The following GMIP variants were observed in gnomAD, a reference collection of about 807,000 sequenced individuals.
GMIP encodes the protein GEM interacting protein.
Under a neutral mutation model 105.3 loss-of-function variants are expected in GMIP, and 54 were observed. That is an observed-to-expected ratio of 0.51 (90% CI 0.41 to 0.64). The LOEUF (loss-of-function observed/expected upper bound fraction) is 0.64. Among genes scored for constraint, GMIP ranks in the 30% least tolerant of loss-of-function variants. The pLI is 0.00. For synonymous variants in GMIP, 541 were observed against 560.8 expected (o/e 0.96, Z 0.50); for missense variants, 1,110 against 1,319.4 (o/e 0.84, Z 2.46).
At chr19:19,643,425 A>C in intron 1 of GMIP, 86 bp downstream of exon 1, 1 of 1,262,228 alleles carries the variant, frequency 7.9e-7, no homozygotes, top group Non-Finnish European at 1.1e-6. Flanking sequence ...CCTGGCTCTC[A>C]GGACGGAGCG....
intron 7 of GMIP, among the ~76,000 whole-genome samples, chr19:19,639,702 A>T (rs2061897600): frequency 6.6e-6 from 1 of 151,616 alleles, no homozygotes; most frequent in Non-Finnish European, 1.5e-5. Flanking sequence ...TACAAAAATT[A>T]GCCGGGCGTG....
At chr19:19,643,231 C>T in intron 1 of GMIP, 1 of 435,436 alleles carries the variant, frequency 2.3e-6, no homozygotes, top group Non-Finnish European at 4.1e-6. Context: ...TGGCACCCTG[C>T]CCCCATCACA....
In GMIP at chr19:19,640,466, G is replaced by T; in HGVS notation, c.344C>A (p.Thr115Asn). ...SRYAKELLAW[T>N]EKRASYELEF... ...CTCACCATAGCTGGCTCTCTTTTCA[G>T]TCCAGGCAAGCAGTTCCTTGGCATA... The change falls in exon 5 of 21, where the codon ACT becomes AAT. Residue 115 changes from threonine (T) to asparagine (N), a missense_variant. By Grantham distance (65) the Thr-to-Asn change is moderately conservative. Transcript: ENST00000203556. 2 of 1,614,138 alleles carry T rather than the reference G, an allele frequency of 1.2e-6. No homozygotes were observed. Among genetic ancestry groups the T allele is most frequent in the South Asian group, 2.2e-5 (2 of 91,090 alleles).
In GMIP at chr19:19,633,924, G is replaced by C; in HGVS notation, c.2351C>G (p.Ser784Cys). 1 of 1,552,056 alleles carries C rather than the reference G, an allele frequency of 6.4e-7. No homozygotes were observed. The highest frequency in any genetic ancestry group is 8.7e-7 in the Non-Finnish European group (1 of 1,143,810). Reference sequence around the variant, plus strand: ...GTCAAGGTGCGGGGGTGGCGGTTGGGAGCTGGTTGTGAGGGGCCCAGGGGC... The same window carrying C: ...GTCAAGGTGCGGGGGTGGCGGTTGGCAGCTGGTTGTGAGGGGCCCAGGGGC... ...SPAPGPLTTSSQPPPPHLDPD... is the reference protein window; with the variant it reads ...SPAPGPLTTSCQPPPPHLDPD... The change falls in exon 19 of 21, where the codon TCC (serine) becomes TGC (cysteine). Residue 784 changes from serine to cysteine, a missense_variant. By Grantham distance (112) the Ser-to-Cys change is moderately radical. Coordinates refer to ENST00000203556, the MANE Select transcript of GMIP (RefSeq NM_016573.4).
In GMIP at chr19:19,630,225, A is replaced by G. The variant is rs2061779571; in HGVS notation, c.2651T>C (p.Leu884Pro). Residue 884 changes from leucine to proline, a missense_variant, in exon 21 of 21, where the codon CTG (leucine) becomes CCG (proline). Around this residue, in one of 3 missense-constraint regions of GMIP, gnomAD observed 394 missense variants for 450.5 expected, o/e 0.87. Coordinates refer to ENST00000203556, the MANE Select transcript of GMIP (RefSeq NM_016573.4). The surrounding 1 kb of genome is among the most constrained non-coding windows in gnomAD (Gnocchi z 4.8). ...GGAAGCCACCAGGGCCAGACTGGAC[A>G]GCTGGTGGGTTACAGGCCTCACACC... is the stretch of plus-strand genomic sequence containing the variant. ...RGGVRPVTHQ[L>P]SSLALVASKL... The G allele has an allele frequency of 6.3e-7, 1 of 1,593,944 alleles. No homozygotes were observed. Among genetic ancestry groups the G allele is most frequent in the East Asian group, 2.3e-5 (1 of 44,422 alleles).
At chr19:19,642,696 A>G (rs1599419662) in intron 1 of GMIP, 77 bp from the exon 2 acceptor site, 1 of 562,710 alleles carries the variant, frequency 1.8e-6, no homozygotes, top group South Asian at 2.1e-5. Flanking sequence ...TCTCATTTGG[A>G]GGGGGTGGAA....
chr19:19,631,942 G>C (rs11879838), intron 19 of GMIP, among the ~76,000 whole-genome samples: 110,830 of 149,710 alleles, frequency 0.74, 41,138 homozygotes, highest in South Asian at 0.79. Context: ...GAGCCAAGAT[G>C]GCACCACTGC....
chr19:19,638,580 C>A, intron 7 of GMIP, 98 bp from the exon 8 acceptor site: 1 of 960,014 alleles, frequency 1.0e-6, no homozygotes, highest in Non-Finnish European at 1.6e-6. Context: ...GCTTTGCCAC[C>A]TCTGGACTCT....
chr19:19,634,643 A>T lies in GMIP; in HGVS notation c.1948T>A (p.Leu650Met). ...YDAFISLAKT[L>M]HADPGDDPGT... ...GGGTCGTCCCCAGGGTCTGCATGCA[A>T]GGTCTTAGCCAGAGAGATGAAGGCG... Residue 650 changes from leucine (L) to methionine (M), a missense_variant, in exon 18 of 21, where the codon TTG becomes ATG. By Grantham distance (15) the Leu-to-Met change is conservative. This residue lies in a region of GMIP where 394 missense variants were observed against 450.5 expected (regional missense o/e 0.87). Transcript: ENST00000203556. This position sits in a 1 kb window ranked among gnomAD's most constrained non-coding sequence, Gnocchi z 6.1. 1 of 1,613,372 alleles carries T rather than the reference A, an allele frequency of 6.2e-7. No individual in the cohort carries two copies.
At chr19:19,642,497 C>A (rs750958076) in intron 2 of GMIP, 38 bp downstream of exon 2, 1 of 1,355,444 alleles carries the variant, frequency 7.4e-7, no homozygotes, top group Non-Finnish European at 1.1e-6. Flanking sequence ...CTTGGGGCAT[C>A]TTGGCAGGAT....
chr19:19,636,605 G>A, intron 13 of GMIP, 102 bp downstream of exon 13: 2 of 846,918 alleles, frequency 2.4e-6, no homozygotes, highest in Middle Eastern at 3.4e-4. Flanking sequence ...TGTGGGGTAG[G>A]TCAGAGGTCA....
Position 19,640,203 on chromosome 19 carries a change from CAG to C in GMIP, c.430-13_430-12del. On this transcript the variant is annotated splice_polypyrimidine_tract_variant and intron_variant, in intron 6 of 20. Coordinates refer to ENST00000203556, the MANE Select transcript of GMIP (RefSeq NM_016573.4). ...CAGAGGCATGTGGCTCTGGGGAAGA[CAG>C]AGTGGTGTAGGAGGATACTGAAGAT... 1 of 1,600,934 alleles carries C rather than the reference CAG, an allele frequency of 6.2e-7. No individual in the cohort carries two copies. Among genetic ancestry groups the C allele is most frequent in the East Asian group, 2.2e-5 (1 of 44,748 alleles).
intron 19 of GMIP, among the ~76,000 whole-genome samples, chr19:19,631,705 C>T (rs995145590): frequency 1.3e-5 from 2 of 152,134 alleles, no homozygotes; most frequent in African/African-American, 2.4e-5. Context: ...CTACGCCAGG[C>T]GGCCGGGTGC....
chr19:19,643,634 C>G lies in GMIP; in HGVS notation c.-105G>C, dbSNP rs942896467. 16 of 1,020,466 alleles carry G rather than the reference C, an allele frequency of 1.6e-5. No homozygotes were observed. The highest frequency in any genetic ancestry group is 1.3e-4 in the African/African-American group (8 of 59,430). The allele number at this position is 1,020,466 out of a possible 1,614,324, so 63.2% of individuals were successfully genotyped here. A position where few individuals can be genotyped will look rare whatever the true frequency, so the allele number is the denominator to read the frequency against. On this transcript the variant is annotated 5_prime_UTR_variant, in exon 1 of 21. Transcript: ENST00000203556. ...GCCGCCGCAGCCGCCGCCGCCGCCT[C>G]GGTTCCGCGTCGCCCTGCCCAGCGG...
Position 19,635,472 on chromosome 19 carries a change from G to T in GMIP, c.1503C>A (p.Gly501=), listed in dbSNP as rs1353101578. 1.9e-6 allele frequency: 3 copies of T among 1,610,350 alleles called. No homozygotes were observed. Among genetic ancestry groups the T allele is most frequent in the East Asian group, 2.2e-5 (1 of 44,898 alleles). ...AQTHQLRRLR[G]PAKCRECEAF... ...CTTCGCACTCGCGGCACTTGGCTGG[G>T]CCCCGCAGTCGCCGCAGCTGGTGGG... is the stretch of plus-strand genomic sequence containing the variant. Residue 501 remains glycine, a synonymous_variant, in exon 15 of 21, where the codon GGC becomes GGA. Coordinates refer to ENST00000203556, the MANE Select transcript of GMIP (RefSeq NM_016573.4). This position sits in a 1 kb window ranked among gnomAD's most constrained non-coding sequence, Gnocchi z 4.7.
intron 19 of GMIP, among the ~76,000 whole-genome samples, chr19:19,632,321 C>G (rs909086224): frequency 6.6e-6 from 1 of 151,734 alleles, no homozygotes; most frequent in Non-Finnish European, 1.5e-5. Flanking sequence ...CAACTGCGGC[C>G]GGGTGTGGTG....
intron 4 of GMIP, among the ~76,000 whole-genome samples, chr19:19,640,915 G>A (rs187452981): frequency 1.5e-4 from 23 of 151,876 alleles, no homozygotes; most frequent in African/African-American, 4.3e-4. Flanking sequence ...ACAGGCATGC[G>A]CCACCATGCC....
In GMIP at chr19:19,635,351, A is replaced by C. The variant is rs939859435; in HGVS notation, c.1560+64T>G. On this transcript the variant is annotated intron_variant, in intron 15 of 20. Transcript: ENST00000203556. The surrounding 1 kb of genome is among the most constrained non-coding windows in gnomAD (Gnocchi z 4.7). Reference sequence around the variant, plus strand: ...TCCCAGGGGCAGAAAGGCTGTAGGAATCTCAGGTCAGGGAGATGATCAAGG... The same window carrying C: ...TCCCAGGGGCAGAAAGGCTGTAGGACTCTCAGGTCAGGGAGATGATCAAGG... 5 of 1,574,032 alleles carry C rather than the reference A, an allele frequency of 3.2e-6. No homozygotes were observed. The highest frequency in any genetic ancestry group is 2.7e-5 in the African/African-American group (2 of 74,304).
chr19:19,635,357 G>T lies in GMIP; in HGVS notation c.1560+58C>A. On this transcript the variant is annotated intron_variant, in intron 15 of 20. Coordinates refer to ENST00000203556, the MANE Select transcript of GMIP (RefSeq NM_016573.4). The surrounding 1 kb of genome is among the most constrained non-coding windows in gnomAD (Gnocchi z 4.7). Reference sequence around the variant, plus strand: ...GGGCAGAAAGGCTGTAGGAATCTCAGGTCAGGGAGATGATCAAGGGTCAGC... The same window carrying T: ...GGGCAGAAAGGCTGTAGGAATCTCATGTCAGGGAGATGATCAAGGGTCAGC... 6.3e-7 allele frequency: 1 copy of T among 1,580,430 alleles called. No homozygotes were observed. Among genetic ancestry groups the T allele is most frequent in the Non-Finnish European group, 8.6e-7 (1 of 1,158,710 alleles).
Sources: allele counts gnomAD v4.1 joint callset (sites outside exome capture counted in the v4.1 genomes callset), GRCh38; gene constraint gnomAD v4.1.1; regional missense constraint gnomAD v4.1.1; non-coding constraint Gnocchi (gnomAD v3.1); transcripts MANE v1.5; gene names NCBI Gene and HGNC (gene_info 2026-07-23, HGNC 2026-07-21).